Variants in ZMYM6 observed in about 807,000 individuals in gnomAD.
ZMYM6 encodes zinc finger MYM-type protein 6.
ZMYM6 carries 90 observed loss-of-function variants against 134.0 expected under a neutral mutation model. The observed-to-expected ratio is 0.67, with a 90% confidence interval of 0.57 to 0.80. The LOEUF is 0.80. Among genes scored for constraint, ZMYM6 ranks in the 30% least tolerant of loss-of-function variants. The pLI is 0.00. For missense variants in ZMYM6, 1,362 were observed against 1,533.9 expected (o/e 0.89, Z 1.87); for synonymous variants, 481 against 524.1 (o/e 0.92, Z 1.12).
At chr1:35,012,054 AAC>A (rs1641097013) in intron 7 of ZMYM6, 49 bp from the exon 8 acceptor site, 1 of 1,173,130 alleles carries the variant, frequency 8.5e-7, no homozygotes, top group Admixed American at 2.1e-5. Flanking sequence ...CCAATGAACA[AAC>A]AATACAAAAA....
At chr1:35,003,142 C>T (rs1640907670) in intron 14 of ZMYM6, among the ~76,000 whole-genome samples, 1 of 148,880 alleles carries the variant, frequency 6.7e-6, no homozygotes, top group African/African-American at 2.5e-5. Flanking sequence ...GATCATGCCA[C>T]CGCACTCCAG....
intron 2 of ZMYM6, among the ~76,000 whole-genome samples, chr1:35,029,471 C>A (rs1641477175): frequency 6.6e-6 from 1 of 152,094 alleles, no homozygotes; most frequent in South Asian, 2.1e-4. Context: ...GCCTGACACA[C>A]TCTTAAGCAT....
At chr1:34,991,490 C>T (rs897724640) in intron 15 of ZMYM6, among the ~76,000 whole-genome samples, 2 of 151,928 alleles carry the variant, frequency 1.3e-5, no homozygotes, top group African/African-American at 4.8e-5. Context: ...AAAAATCAGG[C>T]CAGGGGCGGT....
chr1:35,022,411 T>C (rs1182797734), intron 2 of ZMYM6, among the ~76,000 whole-genome samples: 3 of 152,042 alleles, frequency 2.0e-5, no homozygotes, highest in Non-Finnish European at 2.9e-5. Context: ...TTACAGGCAC[T>C]CACCACCATG....
intron 15 of ZMYM6, among the ~76,000 whole-genome samples, chr1:34,991,627 G>A (rs776674155): frequency 9.9e-5 from 15 of 151,966 alleles, no homozygotes; most frequent in Non-Finnish European, 1.6e-4. Context: ...AAAATTAGCC[G>A]GGCATGGTGG....
chr1:35,004,866 T>A lies in ZMYM6; in HGVS notation c.1954+266A>T, dbSNP rs371907669. 7.8e-4 allele frequency among the ~76,000 whole-genome samples: 119 copies of A among 152,156 alleles called. 2 individuals carry two copies. In the South Asian group the frequency reaches 0.019, roughly 24 times the overall value. ...TGAGGTCAGGAGTTTGAGATCACCCTAGCCAACACGGTGAAATCCCGTCTC... is the reference window on the plus strand; with the variant it reads ...TGAGGTCAGGAGTTTGAGATCACCCAAGCCAACACGGTGAAATCCCGTCTC... On this transcript the variant is annotated intron_variant, in intron 13 of 15. Transcript: ENST00000357182.
Position 35,006,977 on chromosome 1 carries a change from A to G in ZMYM6, c.1787T>C (p.Met596Thr), listed in dbSNP as rs1640991757. Residue 596 changes from methionine (M) to threonine (T), a missense_variant, in exon 12 of 16, where the codon ATG becomes ACG. Met to Thr is a moderately conservative substitution (Grantham distance 81). Around this residue, in one of 3 missense-constraint regions of ZMYM6, gnomAD observed 824 missense variants for 940.9 expected, o/e 0.88. Transcript: ENST00000357182. ...CVLEFCHQQI[M>T]NDCLPQNKVN... is the part of the protein sequence containing the mutation. ...TTTATTTTGTGGAAGACAGTCATTC[A>G]TAATTTGCTGATGACAAAACTCCAA... The G allele has an allele frequency of 4.3e-6, 7 of 1,609,724 alleles. No homozygotes were observed. The highest frequency in any genetic ancestry group is 5.9e-6 in the Non-Finnish European group (7 of 1,178,818).
chr1:35,003,897 A>G, intron 14 of ZMYM6, 71 bp downstream of exon 14: 1 of 1,360,812 alleles, frequency 7.3e-7, no homozygotes, highest in Non-Finnish European at 1.0e-6. Flanking sequence ...CAGATATATT[A>G]GAATGCCATA....
At chr1:34,992,710 A>G (rs1212872962) in intron 14 of ZMYM6, among the ~76,000 whole-genome samples, 1 of 141,390 alleles carries the variant, frequency 7.1e-6, no homozygotes, top group East Asian at 2.0e-4. Context: ...ATATACTTAT[A>G]AACTATAAAA....
At chr1:34,991,089 C>G (rs1640664889) in intron 15 of ZMYM6, among the ~76,000 whole-genome samples, 1 of 152,196 alleles carries the variant, frequency 6.6e-6, no homozygotes, top group Non-Finnish European at 1.5e-5. Context: ...GTCTCAAACT[C>G]CTGACCTCAG....
At chr1:35,025,885 A>T (rs1641405546) in intron 2 of ZMYM6, among the ~76,000 whole-genome samples, 1 of 152,206 alleles carries the variant, frequency 6.6e-6, no homozygotes, top group South Asian at 2.1e-4. Flanking sequence ...TACTTAACTG[A>T]GGGTTGTGAG....
Position 35,010,454 on chromosome 1 carries a change from A to G in ZMYM6, c.1485T>C (p.Cys495=), listed in dbSNP as rs1641065602. The change falls in exon 10 of 16, where the codon TGT becomes TGC. Residue 495 remains cysteine (C), a synonymous_variant. Coordinates refer to ENST00000357182, the MANE Select transcript of ZMYM6 (RefSeq NM_007167.4). The part of the protein sequence containing the change: ...VRFSGVDKPF[C]SEVCKFLSAR... Reference sequence around the variant, plus strand: ...AAACAACTTTGTCTTTACCTTCACTACAGAATGGCTTATCAACCCCTGAGA... The same window carrying G: ...AAACAACTTTGTCTTTACCTTCACTGCAGAATGGCTTATCAACCCCTGAGA... 9 of 1,611,212 alleles carry G rather than the reference A, an allele frequency of 5.6e-6. No homozygotes were observed. Among genetic ancestry groups the G allele is most frequent in the South Asian group, 1.1e-5 (1 of 90,390 alleles).
chr1:35,020,730 A>T (rs1468290441), intron 2 of ZMYM6, among the ~76,000 whole-genome samples: 1 of 151,804 alleles, frequency 6.6e-6, no homozygotes, highest in Non-Finnish European at 1.5e-5. Context: ...GTGCTACCAC[A>T]CCCAACTATT....
chr1:35,013,170 C>T, intron 6 of ZMYM6: 1 of 769,292 alleles, frequency 1.3e-6, no homozygotes, highest in Non-Finnish European at 1.6e-6. Flanking sequence ...TGAGTCAGGC[C>T]CCAGGCTAAG....
In ZMYM6 at chr1:35,014,673, C is replaced by T. The variant is rs777456037; in HGVS notation, c.795+24G>A. 7 of 1,604,700 alleles carry T rather than the reference C, an allele frequency of 4.4e-6. No individual in the cohort carries two copies. The South Asian group carries it at 7.8e-5, about 18-fold the overall frequency. Reference sequence around the variant, plus strand: ...AAATCAGAAGGAGTGGGCCTAAGTACATGCAACAAATAGATATTCATACCT... The same window carrying T: ...AAATCAGAAGGAGTGGGCCTAAGTATATGCAACAAATAGATATTCATACCT... On this transcript the variant is annotated intron_variant, in intron 6 of 15. Coordinates refer to ENST00000357182, the MANE Select transcript of ZMYM6 (RefSeq NM_007167.4).
At chr1:35,010,656 C>A in intron 9 of ZMYM6, 59 bp from the exon 10 acceptor site, 2 of 1,553,526 alleles carry the variant, frequency 1.3e-6, no homozygotes, top group South Asian at 2.5e-5. Context: ...TCTTTAAGAA[C>A]TCCTTTTCAT....
At chr1:34,999,158 G>A (rs1640837494) in intron 14 of ZMYM6, among the ~76,000 whole-genome samples, 1 of 152,158 alleles carries the variant, frequency 6.6e-6, no homozygotes, top group South Asian at 2.1e-4. Context: ...AAGTAATGTA[G>A]ACTGAGAAAA....
chr1:35,030,490 G>A, intron 2 of ZMYM6, 57 bp downstream of exon 2: 1 of 1,535,832 alleles, frequency 6.5e-7, no homozygotes, highest in Non-Finnish European at 8.8e-7. Context: ...TTTTTCAGTT[G>A]ACCAGATGGA....
chr1:35,008,573 A>T (rs1479365548), intron 11 of ZMYM6, among the ~76,000 whole-genome samples, 179 bp downstream of exon 11: 1 of 152,208 alleles, frequency 6.6e-6, no homozygotes, highest in Non-Finnish European at 1.5e-5. Flanking sequence ...CAGAAATCCT[A>T]TACTTTTTAT....
Sources: allele counts gnomAD v4.1 joint callset (sites outside exome capture counted in the v4.1 genomes callset), GRCh38; gene constraint gnomAD v4.1.1; regional missense constraint gnomAD v4.1.1; transcripts MANE v1.5; gene names NCBI Gene and HGNC (gene_info 2026-07-23, HGNC 2026-07-21).